Variants in GALNT17 observed in about 807,000 individuals in gnomAD.
The protein encoded by GALNT17 is polypeptide N-acetylgalactosaminyltransferase 17, also known as UDP-GalNAc:polypeptide N-acetylgalactosaminyltransferase-like 3.
A neutral mutation model predicts 63.7 loss-of-function variants in GALNT17; 29 were observed. The ratio of observed to expected loss-of-function variants is 0.46; its 90% CI spans 0.34 to 0.62. The LOEUF is 0.62. Ranked by LOEUF, GALNT17 falls within the 20% of genes least tolerant of loss-of-function variation. GALNT17 has a pLI of 0.01. For synonymous variants in GALNT17, 305 were observed against 318.3 expected (o/e 0.96, Z 0.45); for missense variants, 603 against 799.6 (o/e 0.75, Z 2.97).
At chr7:71,553,234 G>A (rs1240231762) in intron 5 of GALNT17, among the ~76,000 whole-genome samples, 1 of 152,064 alleles carries the variant, frequency 6.6e-6, no homozygotes, top group African/African-American at 2.4e-5. Context: ...GGCTGAGGTG[G>A]GAGGATTGCT....
rs1233300517 is a variant in GALNT17 at position 71,217,150 on chromosome 7, T to TG, written c.238+84110_238+84111insG. Among the ~76,000 whole-genome samples, 5 of 149,338 alleles carry TG rather than the reference T, an allele frequency of 3.3e-5. No individual in the cohort carries two copies. In the East Asian group the frequency reaches 7.8e-4, roughly 23 times the overall value. On this transcript the variant is annotated intron_variant, in intron 1 of 10. Transcript: ENST00000333538. The stretch of plus-strand genomic sequence containing the variant: ...AGCTAATTTTTTCGTGTTTTGTTTT[T>TG]TTTTTTTTTTTTTTTGAGATAGAGT...
chr7:71,344,260 T>TG (rs1487681644), intron 2 of GALNT17, among the ~76,000 whole-genome samples: 2 of 152,006 alleles, frequency 1.3e-5, no homozygotes, highest in African/African-American at 4.8e-5. Flanking sequence ...GCTCAGCTTG[T>TG]GAAAAAGCAA....
At chr7:71,365,710 T>C (rs1252413549) in intron 2 of GALNT17, among the ~76,000 whole-genome samples, 2 of 151,966 alleles carry the variant, frequency 1.3e-5, no homozygotes. Context: ...CAAATGACAG[T>C]TGAATATGTT....
intron 5 of GALNT17, among the ~76,000 whole-genome samples, chr7:71,504,369 G>A (rs148771108): frequency 5.9e-5 from 9 of 152,046 alleles, no homozygotes; most frequent in East Asian, 5.8e-4. Context: ...CACCCTGGGC[G>A]ACAGAGCTAG....
At chr7:71,407,136 G>A (rs1383267022) in intron 3 of GALNT17, among the ~76,000 whole-genome samples, 2 of 152,166 alleles carry the variant, frequency 1.3e-5, no homozygotes, top group Non-Finnish European at 2.9e-5. Flanking sequence ...TGGTCACCAT[G>A]CAGGGGCTGG....
chr7:71,473,341 G>C (rs1331560977), intron 5 of GALNT17, among the ~76,000 whole-genome samples: 2 of 152,112 alleles, frequency 1.3e-5, no homozygotes, highest in Non-Finnish European at 2.9e-5. Flanking sequence ...TCTAGACCTG[G>C]TAAAGGCCTG....
chr7:71,260,902 C>A (rs1790373680), intron 1 of GALNT17, among the ~76,000 whole-genome samples: 1 of 152,184 alleles, frequency 6.6e-6, no homozygotes, highest in Non-Finnish European at 1.5e-5. Flanking sequence ...CTGTGCCCAG[C>A]CTCTTTTTCA....
intron 9 of GALNT17, among the ~76,000 whole-genome samples, chr7:71,695,039 T>A (rs552438209): frequency 5.8e-4 from 88 of 152,250 alleles, no homozygotes; most frequent in African/African-American, 1.9e-3. Context: ...AGAAATAAAG[T>A]CTTTACTTCC....
intron 1 of GALNT17, among the ~76,000 whole-genome samples, chr7:71,203,359 T>C (rs1399899847): frequency 6.6e-6 from 1 of 152,214 alleles, no homozygotes; most frequent in East Asian, 1.9e-4. Context: ...TAAAATCTCA[T>C]TGTGTTTTCA....
intron 1 of GALNT17, among the ~76,000 whole-genome samples, chr7:71,216,594 A>C (rs1223473632): frequency 1.3e-5 from 2 of 148,308 alleles, no homozygotes; most frequent in Non-Finnish European, 3.0e-5. Context: ...ACACACATAC[A>C]TATCTACACA....
intron 1 of GALNT17, among the ~76,000 whole-genome samples, chr7:71,178,174 G>C (rs1788672351): frequency 6.6e-6 from 1 of 152,004 alleles, no homozygotes; most frequent in Admixed American, 6.5e-5. Flanking sequence ...AGAAAGTTTT[G>C]CTATATACAG....
chr7:71,297,855 T>C (rs1194880011), intron 1 of GALNT17, among the ~76,000 whole-genome samples: 1 of 152,164 alleles, frequency 6.6e-6, no homozygotes, highest in Non-Finnish European at 1.5e-5. Flanking sequence ...ACTGCATGAT[T>C]CCACTTATGT....
At chr7:71,366,134 C>T (rs200689987) in intron 2 of GALNT17, among the ~76,000 whole-genome samples, 7 of 151,988 alleles carry the variant, frequency 4.6e-5, no homozygotes, top group East Asian at 3.9e-4. Flanking sequence ...CAGGTGGTCA[C>T]GTGAGTAGAT....
At chr7:71,678,476 G>C (rs146611511) in intron 9 of GALNT17, among the ~76,000 whole-genome samples, 1 of 151,648 alleles carries the variant, frequency 6.6e-6, no homozygotes, top group South Asian at 2.1e-4. Flanking sequence ...TCAGGAGTTC[G>C]AGACCAGCCT....
chr7:71,321,167 C>T (rs1044078611), intron 1 of GALNT17, among the ~76,000 whole-genome samples: 1 of 152,100 alleles, frequency 6.6e-6, no homozygotes, highest in African/African-American at 2.4e-5. Flanking sequence ...AGTGCTTATT[C>T]AATTCAGCAT....
Position 71,574,903 on chromosome 7 carries a change from C to G in GALNT17, c.1080+3501C>G, listed in dbSNP as rs77300488. 1.3e-3 allele frequency among the ~76,000 whole-genome samples: 192 copies of G among 152,216 alleles called. 6 individuals are homozygous for G. In the East Asian group the frequency reaches 0.034, roughly 27 times the overall value. On this transcript the variant is annotated intron_variant, in intron 6 of 10. Coordinates refer to ENST00000333538, the MANE Select transcript of GALNT17 (RefSeq NM_022479.3). ...GCAGAAAGGAGCCCAGGTGAGAATC[C>G]ACCTCTTTCTAGTCCCTTCTCCAGG...
rs10245174 is a variant in GALNT17 at position 71,132,282 on chromosome 7, G to C, written c.-521G>C. 63,206 of 151,756 alleles carry C rather than the reference G, an allele frequency of 0.42. 14,046 individuals carry two copies. Among genetic ancestry groups the C allele is most frequent in the South Asian group, 0.49 (2,356 of 4,826 alleles). The allele number at this position is 151,756 out of a possible 1,614,324, so 9.4% of individuals were successfully genotyped here. ...GAGCGGGTCTTCCGCTGAAGAGCGC[G>C]GGTGGCGCGCCGCGACGGCCGCCTG... On this transcript the variant is annotated 5_prime_UTR_variant, in exon 1 of 11. Coordinates refer to ENST00000333538, the MANE Select transcript of GALNT17 (RefSeq NM_022479.3).
At chr7:71,557,507 T>C (rs1198475025) in intron 5 of GALNT17, among the ~76,000 whole-genome samples, 3 of 152,152 alleles carry the variant, frequency 2.0e-5, no homozygotes, top group African/African-American at 7.2e-5. Context: ...CAAAGTTACC[T>C]TCCTAGCTGG....
At chr7:71,222,803 G>A (rs1789611245) in intron 1 of GALNT17, among the ~76,000 whole-genome samples, 1 of 152,154 alleles carries the variant, frequency 6.6e-6, no homozygotes, top group South Asian at 2.1e-4. Flanking sequence ...GGGTGCAGTG[G>A]CTCGCACCTG....
Sources: allele counts gnomAD v4.1 joint callset (sites outside exome capture counted in the v4.1 genomes callset), GRCh38; gene constraint gnomAD v4.1.1; transcripts MANE v1.5; gene names NCBI Gene and HGNC (gene_info 2026-07-23, HGNC 2026-07-21).